The following JAKMIP1 variants were observed in gnomAD, a reference collection of about 807,000 sequenced individuals.
JAKMIP1 encodes the protein janus kinase and microtubule interacting protein 1, also known as janus kinase and microtubule-interacting protein 1.
A neutral mutation model predicts 113.0 loss-of-function variants in JAKMIP1; 33 were observed. The ratio of observed to expected loss-of-function variants is 0.29; its 90% confidence interval spans 0.22 to 0.39. The LOEUF (loss-of-function observed/expected upper bound fraction) is 0.39, where lower values mean the gene tolerates loss of function less well. Ranked by LOEUF, JAKMIP1 falls within the 10% of genes least tolerant of loss-of-function variation. JAKMIP1 has a pLI of 1.00. For synonymous variants in JAKMIP1, 480 were observed against 459.9 expected, an observed-to-expected ratio of 1.04 and a Z score of -0.56; for missense variants, 813 against 1,080.5, an observed-to-expected ratio of 0.75 and a Z score of 3.47.
At position 6,141,127 on chromosome 4, in the gene JAKMIP1, G is replaced by T. The variant is rs1315619031; in HGVS notation, c.-147-28130C>A. ...ATTGTATCGCGTAGAATGAGAAGCA[G>T]CTACCAACATTTAAAGTGGTAGACG... On this transcript the variant is annotated intron_variant, in intron 1 of 20. Transcript: ENST00000409021. The surrounding 1 kb of genome is among the most constrained non-coding windows in gnomAD (Gnocchi z 9.4). Among the ~76,000 whole-genome samples the T allele has an allele frequency of 6.6e-6, 1 of 152,192 alleles. No homozygotes were observed. Among genetic ancestry groups the T allele is most frequent in the Non-Finnish European group, 1.5e-5 (1 of 68,046 alleles).
rs527387780 is a variant in JAKMIP1 at position 6,194,785 on chromosome 4, C to T, written c.-148+5468G>A. On this transcript the variant is annotated intron_variant, in intron 1 of 20. Transcript: ENST00000409021. This position sits in a 1 kb window ranked among gnomAD's most constrained non-coding sequence, Gnocchi z 7.4. Reference sequence around the variant, plus strand: ...GTGGCCCTTCAGCCAGTCTAAGCCACGGTGGGAGACAGGAGAGCAGGCAGC... The same window carrying T: ...GTGGCCCTTCAGCCAGTCTAAGCCATGGTGGGAGACAGGAGAGCAGGCAGC... Among the ~76,000 whole-genome samples the T allele has an allele frequency of 5.9e-5, 9 of 152,318 alleles. No individual in the cohort carries two copies. The highest frequency in any genetic ancestry group is 1.9e-4 in the East Asian group (1 of 5,186).
intron 1 of JAKMIP1, among the ~76,000 whole-genome samples, chr4:6,145,990 G>C (rs543734502): frequency 6.6e-6 from 1 of 152,106 alleles, no homozygotes; most frequent in African/African-American, 2.4e-5. Context: ...AGGAACTTTG[G>C]GGGGACACAT....
chr4:6,128,850 C>T (rs1718109272), intron 1 of JAKMIP1, among the ~76,000 whole-genome samples: 1 of 152,214 alleles, frequency 6.6e-6, no homozygotes, highest in African/African-American at 2.4e-5. Flanking sequence ...CAAGCATCAG[C>T]CACACCTCAC....
At chr4:6,063,806 G>C (rs1352758850) in intron 9 of JAKMIP1, among the ~76,000 whole-genome samples, 1 of 152,232 alleles carries the variant, frequency 6.6e-6, no homozygotes, top group Non-Finnish European at 1.5e-5. Context: ...CAACAAGCAG[G>C]GGTGTGTGGG....
intron 1 of JAKMIP1, among the ~76,000 whole-genome samples, chr4:6,122,726 GC>G (rs1716884060): frequency 6.6e-6 from 1 of 152,292 alleles, no homozygotes; most frequent in African/African-American, 2.4e-5. Context: ...ACAGCACCCA[GC>G]CCATGTGATA....
intron 18 of JAKMIP1, among the ~76,000 whole-genome samples, chr4:6,037,466 T>C (rs112714524): frequency 2.9e-4 from 28 of 96,628 alleles, no homozygotes; most frequent in East Asian, 1.7e-3. Flanking sequence ...CCTCCATCAC[T>C]GAGGCAGAGG....
rs921650490 is a variant in JAKMIP1 at position 6,059,551 on chromosome 4, C to T, written c.1644+873G>A. 5.3e-5 allele frequency among the ~76,000 whole-genome samples: 8 copies of T among 152,104 alleles called. No homozygotes were observed. Among genetic ancestry groups the T allele is most frequent in the African/African-American group, 1.9e-4 (8 of 41,408 alleles). On this transcript the variant is annotated intron_variant, in intron 11 of 20. Transcript: ENST00000409021. The surrounding 1 kb of genome is among the most constrained non-coding windows in gnomAD (Gnocchi z 4.8). Reference sequence around the variant, plus strand: ...GGGGCCACCAGACACTCCGTCTGCCCACACCCTCCTTGGCACCCTCACTGT... The same window carrying T: ...GGGGCCACCAGACACTCCGTCTGCCTACACCCTCCTTGGCACCCTCACTGT...
rs777802327 is a variant in JAKMIP1 at position 6,089,053 on chromosome 4, C to G, written c.625-3424G>C. On this transcript the variant is annotated intron_variant, in intron 3 of 20. Coordinates refer to ENST00000409021, the MANE Select transcript of JAKMIP1 (RefSeq NM_001099433.2). This position sits in a 1 kb window ranked among gnomAD's most constrained non-coding sequence, Gnocchi z 5.3. ...GCCAGAAGTAGGCAGCACCAGGATC[C>G]TCCTGTTTTTCTTTAGGAGCTAAGA... Among the ~76,000 whole-genome samples, 5 of 152,218 alleles carry G rather than the reference C, an allele frequency of 3.3e-5. No individual in the cohort carries two copies. Among genetic ancestry groups the G allele is most frequent in the Non-Finnish European group, 7.3e-5 (5 of 68,044 alleles).
At chr4:6,036,948 G>A (rs1713543849) in intron 18 of JAKMIP1, among the ~76,000 whole-genome samples, 1 of 150,020 alleles carries the variant, frequency 6.7e-6, no homozygotes. Context: ...AGGCTAACCG[G>A]TATCCCTCCA....
rs751110641 is a variant in JAKMIP1, at chr4:6,085,464, G to A, written c.790C>T (p.Leu264Phe). The A allele has an allele frequency of 6.2e-7, 1 of 1,614,006 alleles. No homozygotes were observed. Reference sequence around the variant, plus strand: ...ACCATGTCCCCGATCCCGGGCGGGAGCTCTCTCTTTGGACTACTGTGGTGC... The same window carrying A: ...ACCATGTCCCCGATCCCGGGCGGGAACTCTCTCTTTGGACTACTGTGGTGC... ...ERHHSSPKRELPPGIGDMVEL... is the reference protein window; with the variant it reads ...ERHHSSPKREFPPGIGDMVEL... The change falls in exon 4 of 21, where the codon CTC becomes TTC. Residue 264 changes from leucine to phenylalanine, a missense_variant. This residue lies in a region of JAKMIP1 where 540 missense variants were observed against 653.9 expected (regional missense o/e 0.83). Transcript: ENST00000409021.
intron 20 of JAKMIP1, 85 bp downstream of exon 20, chr4:6,029,631 G>T (rs1056474406): frequency 1.1e-6 from 1 of 896,730 alleles, no homozygotes; most frequent in Non-Finnish European, 1.8e-6. Flanking sequence ...CAGAGTCTAT[G>T]CTTTGGACCT....
At chr4:6,048,144 G>A (rs1560108380) in intron 16 of JAKMIP1, among the ~76,000 whole-genome samples, 3 of 152,184 alleles carry the variant, frequency 2.0e-5, no homozygotes, top group South Asian at 2.1e-4. Context: ...GACGTGATAC[G>A]GTTTTCACCA....
At chr4:6,085,094 C>T in intron 4 of JAKMIP1, 129 bp from the exon 5 acceptor site, 1 of 1,170,870 alleles carries the variant, frequency 8.5e-7, no homozygotes. Flanking sequence ...CCACATGCCA[C>T]ACAGCAAGGT....
chr4:6,065,131 C>A lies in JAKMIP1; in HGVS notation c.1303-123G>T. On this transcript the variant is annotated intron_variant, in intron 8 of 20. Coordinates refer to ENST00000409021, the MANE Select transcript of JAKMIP1 (RefSeq NM_001099433.2). This position sits in a 1 kb window ranked among gnomAD's most constrained non-coding sequence, Gnocchi z 5.1. ...TGACATTTGGGCCACTGGGGCATCA[C>A]AAGATGCGGTTGGTGGGCTTCGTAA... 2.5e-6 allele frequency: 3 copies of A among 1,215,746 alleles called. No homozygotes were observed. The highest frequency in any genetic ancestry group is 3.6e-6 in the Non-Finnish European group (3 of 840,202). 75.3% of individuals were successfully genotyped at this position (1,215,746 alleles called of 1,614,324 possible).
intron 10 of JAKMIP1, among the ~76,000 whole-genome samples, 165 bp from the exon 11 acceptor site, chr4:6,060,672 A>T (rs1717148544): frequency 6.6e-6 from 1 of 152,252 alleles, no homozygotes; most frequent in Non-Finnish European, 1.5e-5. Context: ...TACTAGAAGC[A>T]TGGCTCAGCT....
rs2109040126 is a variant in JAKMIP1 at position 6,180,782 on chromosome 4, T to A, written c.-148+19471A>T. The stretch of plus-strand genomic sequence containing the variant: ...TAATTCAGTGACATTTAATTTTCTG[T>A]CAACGTGCTTTGTTCTCAGAGGGCC... On this transcript the variant is annotated intron_variant, in intron 1 of 20. Coordinates refer to ENST00000409021, the MANE Select transcript of JAKMIP1 (RefSeq NM_001099433.2). The surrounding 1 kb of genome is among the most constrained non-coding windows in gnomAD (Gnocchi z 4.5). 6.6e-6 allele frequency among the ~76,000 whole-genome samples: 1 copy of A among 152,248 alleles called. No homozygotes were observed. The highest frequency in any genetic ancestry group is 1.9e-4 in the East Asian group (1 of 5,178).
chr4:6,061,502 T>C lies in JAKMIP1; in HGVS notation c.1560+810A>G, dbSNP rs1717277742. Among the ~76,000 whole-genome samples the C allele has an allele frequency of 6.6e-6, 1 of 152,112 alleles. No individual in the cohort carries two copies. Among genetic ancestry groups the C allele is most frequent in the African/African-American group, 2.4e-5 (1 of 41,422 alleles). The stretch of plus-strand genomic sequence containing the variant: ...TTTAAGACTACCAAAATCCATCCAT[T>C]TGTGGAATTCCCAAACAGGGCTCTG... On this transcript the variant is annotated intron_variant, in intron 10 of 20. Transcript: ENST00000409021. This position sits in a 1 kb window ranked among gnomAD's most constrained non-coding sequence, Gnocchi z 5.3.
chr4:6,145,060 T>C (rs1020021356), intron 1 of JAKMIP1, among the ~76,000 whole-genome samples: 1 of 152,188 alleles, frequency 6.6e-6, no homozygotes, highest in African/African-American at 2.4e-5. Flanking sequence ...ATACAAAAAT[T>C]AACTGTATTC....
At chr4:6,084,608 A>G (rs748662331) in intron 5 of JAKMIP1, among the ~76,000 whole-genome samples, 5 of 152,134 alleles carry the variant, frequency 3.3e-5, no homozygotes, top group Non-Finnish European at 5.9e-5. Context: ...CATCCTCTCC[A>G]TGCTTCTCAT....
Sources: gnomAD v4.1 joint callset for allele counts (sites outside exome capture counted in the v4.1 genomes callset) on GRCh38, gnomAD v4.1.1 for gene constraint, gnomAD v4.1.1 regional missense constraint, Gnocchi (gnomAD v3.1) non-coding constraint, MANE v1.5 for transcripts, NCBI Gene and HGNC (gene_info 2026-07-23, HGNC 2026-07-21) for gene names.